Variants in CADPS2 observed in about 807,000 individuals in gnomAD.
CADPS2 encodes calcium-dependent secretion activator 2.
In CADPS2, 93 loss-of-function variants were observed where a neutral mutation model predicts 172.5. The ratio of observed to expected loss-of-function variants is 0.54; its 90% CI spans 0.46 to 0.64. CADPS2 has a LOEUF of 0.64. CADPS2 is among the 30% of genes least tolerant of loss of function. The pLI is 0.00. For missense variants in CADPS2, 1,420 were observed against 1,565.9 expected, an observed-to-expected ratio of 0.91 and a Z score of 1.57; for synonymous variants, 546 against 555.2, an observed-to-expected ratio of 0.98 and a Z score of 0.23.
At chr7:122,843,313 A>G (rs1240130419) in intron 1 of CADPS2, among the ~76,000 whole-genome samples, 1 of 152,186 alleles carries the variant, frequency 6.6e-6, no homozygotes, top group Non-Finnish European at 1.5e-5. Flanking sequence ...TGGAGATAGA[A>G]AGCTACAGGA....
intron 28 of CADPS2, among the ~76,000 whole-genome samples, chr7:122,339,800 C>T (rs1030070717): frequency 6.6e-6 from 1 of 152,108 alleles, no homozygotes; most frequent in Non-Finnish European, 1.5e-5. Flanking sequence ...GCAAGAGAAT[C>T]ATTTGAACCT....
intron 1 of CADPS2, among the ~76,000 whole-genome samples, chr7:122,749,249 G>A (rs1004728658): frequency 4.6e-5 from 7 of 152,060 alleles, no homozygotes; most frequent in Admixed American, 1.3e-4. Flanking sequence ...GGAATATCAC[G>A]ACTGACCAAT....
chr7:122,528,704 C>T (rs1465620821), intron 8 of CADPS2, among the ~76,000 whole-genome samples: 2 of 151,974 alleles, frequency 1.3e-5, no homozygotes, highest in Non-Finnish European at 1.5e-5. Context: ...GAATGTAGGA[C>T]ACATAAAAAT....
At chr7:122,702,766 T>C (rs1312304055) in intron 2 of CADPS2, 3 of 1,550,896 alleles carry the variant, frequency 1.9e-6, no homozygotes, top group Non-Finnish European at 2.6e-6. Flanking sequence ...CATTTGTCTA[T>C]TAAGAGACAA....
intron 7 of CADPS2, among the ~76,000 whole-genome samples, chr7:122,573,215 G>C (rs2067508059): frequency 6.6e-6 from 1 of 152,022 alleles, no homozygotes; most frequent in African/African-American, 2.4e-5. Context: ...ACCAACTAAA[G>C]GAAATGCTTG....
intron 8 of CADPS2, among the ~76,000 whole-genome samples, chr7:122,539,742 T>C (rs2062705129): frequency 8.9e-6 from 1 of 112,636 alleles, no homozygotes; most frequent in Non-Finnish European, 1.8e-5. Flanking sequence ...TGTCTGTCCC[T>C]CTCTCTCTGT....
intron 17 of CADPS2, among the ~76,000 whole-genome samples, chr7:122,438,042 G>A (rs555904870): frequency 1.3e-5 from 2 of 152,158 alleles, no homozygotes; most frequent in South Asian, 2.1e-4. Flanking sequence ...CATACTTAAA[G>A]TACTGCCAAA....
chr7:122,580,777 T>G (rs886910150), intron 7 of CADPS2, among the ~76,000 whole-genome samples: 1 of 152,152 alleles, frequency 6.6e-6, no homozygotes, highest in Non-Finnish European at 1.5e-5. Flanking sequence ...CTGTGATTAA[T>G]CACAATGAAC....
intron 17 of CADPS2, among the ~76,000 whole-genome samples, chr7:122,418,888 T>C (rs920092878): frequency 2.0e-5 from 3 of 152,198 alleles, no homozygotes; most frequent in African/African-American, 4.8e-5. Flanking sequence ...CTAAAAAAAA[T>C]TGTGCATTGT....
At chr7:122,652,171 T>C (rs1400674229) in intron 3 of CADPS2, among the ~76,000 whole-genome samples, 2 of 152,158 alleles carry the variant, frequency 1.3e-5, no homozygotes, top group African/African-American at 4.8e-5. Context: ...TCTATAAACC[T>C]TGCAAAAATC....
intron 1 of CADPS2, among the ~76,000 whole-genome samples, chr7:122,869,179 A>G (rs1223052651): frequency 1.3e-5 from 2 of 152,124 alleles, no homozygotes; most frequent in Non-Finnish European, 2.9e-5. Context: ...TAGGGAAGAA[A>G]TTAGAAATCC....
rs1797339759 is a variant in CADPS2, at chr7:122,800,327, CA to C, written c.340-63260del. On this transcript the variant is annotated intron_variant, in intron 1 of 29. Transcript: ENST00000449022. Reference sequence around the variant, plus strand: ...AAATAAAAAGCACATAGAGGTTCAACACGACAACTTGCCAAAATACATTATT... The same window carrying C: ...AAATAAAAAGCACATAGAGGTTCAACCGACAACTTGCCAAAATACATTATT... Among the ~76,000 whole-genome samples, 9 of 152,254 alleles carry C rather than the reference CA, an allele frequency of 5.9e-5. No individual in the cohort carries two copies. The South Asian group carries it at 1.9e-3, about 32-fold the overall frequency.
intron 3 of CADPS2, among the ~76,000 whole-genome samples, chr7:122,650,425 C>T (rs905969134): frequency 2.0e-5 from 3 of 151,980 alleles, no homozygotes; most frequent in African/African-American, 7.3e-5. Flanking sequence ...AGTATTACTA[C>T]CACAAAGATG....
intron 1 of CADPS2, among the ~76,000 whole-genome samples, chr7:122,774,135 A>G (rs2093793236): frequency 1.3e-5 from 2 of 152,056 alleles, no homozygotes; most frequent in South Asian, 4.1e-4. Flanking sequence ...TTCAATTTCA[A>G]TCACTATTGC....
At chr7:122,690,066 A>G (rs895292062) in intron 2 of CADPS2, among the ~76,000 whole-genome samples, 3 of 152,200 alleles carry the variant, frequency 2.0e-5, no homozygotes, top group African/African-American at 7.2e-5. Flanking sequence ...CTGGAAGGAC[A>G]GTGCCGATCC....
intron 6 of CADPS2, among the ~76,000 whole-genome samples, chr7:122,581,800 TG>T (rs1223140514): frequency 6.6e-6 from 1 of 152,118 alleles, no homozygotes; most frequent in African/African-American, 2.4e-5. Context: ...TTGAAGCTCC[TG>T]CCAAAAAGAA....
intron 6 of CADPS2, among the ~76,000 whole-genome samples, chr7:122,597,582 T>C (rs2072038512): frequency 6.6e-6 from 1 of 152,220 alleles, no homozygotes; most frequent in East Asian, 1.9e-4. Context: ...GTAGAAACCA[T>C]AGTTTTGTCT....
chr7:122,474,038 C>G (rs144559314), intron 13 of CADPS2, among the ~76,000 whole-genome samples: 1 of 150,516 alleles, frequency 6.6e-6, no homozygotes, highest in Non-Finnish European at 1.5e-5. Context: ...AATGTCTGTA[C>G]GTCCTATAAC....
At chr7:122,544,541 G>T (rs192981537) in intron 8 of CADPS2, among the ~76,000 whole-genome samples, 79 of 152,240 alleles carry the variant, frequency 5.2e-4, no homozygotes, top group Middle Eastern at 3.4e-3. Context: ...TCAGTTTCAC[G>T]CTGGCTAGCT....
Sources: gnomAD v4.1 joint callset for allele counts (sites outside exome capture counted in the v4.1 genomes callset) on GRCh38, gnomAD v4.1.1 for gene constraint, MANE v1.5 for transcripts, NCBI Gene and HGNC (gene_info 2026-07-23, HGNC 2026-07-21) for gene names.